PHF20: variants seen among roughly 807,000 people sequenced by gnomAD.
The protein encoded by PHF20 is glioma-expressed antigen 2.
In PHF20, 23 loss-of-function variants were observed where a neutral mutation model predicts 113.5. The ratio of observed to expected loss-of-function variants is 0.20; its 90% CI spans 0.15 to 0.29. The LOEUF is 0.29. Ranked by LOEUF, PHF20 falls within the 10% of genes least tolerant of loss-of-function variation. The probability of loss-of-function intolerance (pLI) is 1.00; values close to 1 mark genes in which losing one functional copy is unlikely to be tolerated. For synonymous variants in PHF20, 434 were observed against 457.3 expected (o/e 0.95, Z 0.65); for missense variants, 943 against 1,219.6 (o/e 0.77, Z 3.38).
intron 6 of PHF20, among the ~76,000 whole-genome samples, chr20:35,864,451 CAA>C (rs34395693): frequency 6.8e-6 from 1 of 147,988 alleles, no homozygotes; most frequent in Admixed American, 6.7e-5. Context: ...CACACACACA[CAA>C]ATATTTTCAT....
chr20:35,943,543 A>G (rs1391570502), intron 17 of PHF20, among the ~76,000 whole-genome samples: 1 of 151,086 alleles, frequency 6.6e-6, no homozygotes, highest in Non-Finnish European at 1.5e-5. Context: ...TGAAATATAT[A>G]TATATATATG....
At chr20:35,851,355 G>C (rs903810429) in intron 4 of PHF20, among the ~76,000 whole-genome samples, 1 of 152,124 alleles carries the variant, frequency 6.6e-6, no homozygotes, top group Non-Finnish European at 1.5e-5. Flanking sequence ...TTTATAACAG[G>C]AGATGCTATG....
intron 17 of PHF20, among the ~76,000 whole-genome samples, chr20:35,941,689 A>G (rs565391806): frequency 1.3e-5 from 2 of 152,348 alleles, no homozygotes; most frequent in African/African-American, 4.8e-5. Flanking sequence ...CCCAGTTAAA[A>G]AAGAAATGTT....
chr20:35,813,725 G>A (rs762630862), intron 2 of PHF20, among the ~76,000 whole-genome samples: 19 of 152,020 alleles, frequency 1.2e-4, no homozygotes, highest in Non-Finnish European at 2.4e-4. Flanking sequence ...AGGCGTGGTG[G>A]CACGCACTTG....
chr20:35,947,612 C>T lies in PHF20; in HGVS notation c.3024C>T (p.Leu1008=). 1 of 1,613,864 alleles carries T rather than the reference C, an allele frequency of 6.2e-7. No individual in the cohort carries two copies. Among genetic ancestry groups the T allele is most frequent in the Non-Finnish European group, 8.5e-7 (1 of 1,179,902 alleles). The part of the protein sequence containing the change: ...MDLGKVQQIA[L]CCST The stretch of plus-strand genomic sequence containing the variant: ...TGGGCAAGGTGCAGCAGATCGCCCT[C>T]TGCTGCTCAACATGAAACTGGGCAC... Residue 1008 remains leucine, a synonymous_variant, in exon 18 of 18, where the codon CTC becomes CTT. Coordinates refer to ENST00000374012, the MANE Select transcript of PHF20 (RefSeq NM_016436.5).
chr20:35,882,351 A>C lies in PHF20; in HGVS notation c.1282+10522A>C, dbSNP rs75882258. On this transcript the variant is annotated intron_variant, in intron 9 of 17. Coordinates refer to ENST00000374012, the MANE Select transcript of PHF20 (RefSeq NM_016436.5). ...TTGTTCAAGCACACTTTTATTGAGT[A>C]CTTTTTATCCCCAGCCAGAGCAAGT... is the stretch of plus-strand genomic sequence containing the variant. 2.0e-3 allele frequency among the ~76,000 whole-genome samples: 312 copies of C among 152,302 alleles called. 2 individuals carry two copies. Among genetic ancestry groups the C allele is most frequent in the Non-Finnish European group, 2.9e-3 (195 of 68,018 alleles).
intron 4 of PHF20, among the ~76,000 whole-genome samples, chr20:35,857,590 T>G (rs2042860069): frequency 7.0e-6 from 1 of 142,208 alleles, no homozygotes; most frequent in Non-Finnish European, 1.5e-5. Context: ...TTTTTTTGTT[T>G]TTTTTTTGGA....
At chr20:35,868,721 C>T (rs1046923035) in intron 6 of PHF20, among the ~76,000 whole-genome samples, 2 of 152,184 alleles carry the variant, frequency 1.3e-5, no homozygotes, top group Admixed American at 6.5e-5. Context: ...TGCTGGGGAC[C>T]AGCAGCCTTG....
intron 10 of PHF20, among the ~76,000 whole-genome samples, chr20:35,902,729 G>A (rs1221557828): frequency 6.6e-6 from 1 of 152,220 alleles, no homozygotes; most frequent in Non-Finnish European, 1.5e-5. Context: ...ACCTTGGGCA[G>A]AGAACTTGCG....
chr20:35,829,901 C>G (rs1399889857), intron 2 of PHF20, among the ~76,000 whole-genome samples: 1 of 150,806 alleles, frequency 6.6e-6, no homozygotes, highest in East Asian at 1.9e-4. Flanking sequence ...CCACGCCCAG[C>G]CCAAGATTTT....
intron 1 of PHF20, among the ~76,000 whole-genome samples, chr20:35,778,158 A>G (rs1024719112): frequency 2.0e-5 from 3 of 152,128 alleles, no homozygotes; most frequent in African/African-American, 7.2e-5. Context: ...GTCTTGGCTT[A>G]CTGCAACCTG....
At chr20:35,934,232 ACAGAGGC>A (rs1254791533) in intron 15 of PHF20, among the ~76,000 whole-genome samples, 2 of 152,202 alleles carry the variant, frequency 1.3e-5, no homozygotes, top group Non-Finnish European at 2.9e-5. Flanking sequence ...TCTCTGGCAC[ACAGAGGC>A]CTGGCTTCAA....
chr20:35,794,254 C>T (rs192590182), intron 1 of PHF20, among the ~76,000 whole-genome samples: 114 of 148,566 alleles, frequency 7.7e-4, no homozygotes, highest in African/African-American at 2.6e-3. Context: ...GAGCCGAGAT[C>T]GTGCCACTGC....
chr20:35,899,541 C>T lies in PHF20; in HGVS notation c.1454C>T (p.Pro485Leu). The T allele has an allele frequency of 6.2e-7, 1 of 1,614,174 alleles. No homozygotes were observed. Reference sequence around the variant, plus strand: ...CATGGAATGGAGAAGTCACTGGAGCCAGAAGAGAGCCCGGGAAAGAGGCAT... The same window carrying T: ...CATGGAATGGAGAAGTCACTGGAGCTAGAAGAGAGCCCGGGAAAGAGGCAT... ...YFHGMEKSLE[P>L]EESPGKRHVQ... The change falls in exon 10 of 18, where the codon CCA becomes CTA. Residue 485 changes from proline to leucine, a missense_variant. Physicochemically the swap from Pro to Leu is moderately conservative, Grantham distance 98. Around this residue, in one of 3 missense-constraint regions of PHF20, gnomAD observed 592 missense variants for 787.2 expected, o/e 0.75. Transcript: ENST00000374012.
chr20:35,817,611 A>G (rs1251258811), intron 2 of PHF20, among the ~76,000 whole-genome samples: 1 of 152,092 alleles, frequency 6.6e-6, no homozygotes, highest in Non-Finnish European at 1.5e-5. Context: ...GCTGGGGGCA[A>G]CATGGCAAAA....
At chr20:35,832,496 G>A (rs2042371932) in intron 2 of PHF20, among the ~76,000 whole-genome samples, 1 of 152,156 alleles carries the variant, frequency 6.6e-6, no homozygotes, top group South Asian at 2.1e-4. Context: ...TAGGGTAAAT[G>A]CTATGAAGGA....
At chr20:35,900,610 G>A (rs1270368979) in intron 10 of PHF20, among the ~76,000 whole-genome samples, 1 of 152,200 alleles carries the variant, frequency 6.6e-6, no homozygotes, top group East Asian at 1.9e-4. Context: ...AAGGCAGGAG[G>A]ATCACCTGAG....
intron 1 of PHF20, among the ~76,000 whole-genome samples, chr20:35,778,112 C>G (rs2041211393): frequency 6.6e-6 from 1 of 151,962 alleles, no homozygotes. Flanking sequence ...GAGAAAGGGT[C>G]TTGCTCTGTT....
At position 35,797,746 on chromosome 20, in the gene PHF20, G is replaced by A. The variant is rs544150137; in HGVS notation, c.-32-3745G>A. Among the ~76,000 whole-genome samples the A allele has an allele frequency of 6.0e-5, 9 of 150,470 alleles. No individual in the cohort carries two copies. The South Asian group carries it at 1.9e-3, about 32-fold the overall frequency. On this transcript the variant is annotated intron_variant, in intron 1 of 17. Coordinates refer to ENST00000374012, the MANE Select transcript of PHF20 (RefSeq NM_016436.5). ...AACTCACTGCAACCTCCGCCTCCTG[G>A]GTTCAAGTGATTCTCCTGCCTCAGC...
Sources: gnomAD v4.1 joint callset for allele counts (sites outside exome capture counted in the v4.1 genomes callset) on GRCh38, gnomAD v4.1.1 for gene constraint, gnomAD v4.1.1 regional missense constraint, MANE v1.5 for transcripts, NCBI Gene and HGNC (gene_info 2026-07-23, HGNC 2026-07-21) for gene names.